The following KCNIP4 variants were observed in gnomAD, a reference collection of about 807,000 sequenced individuals.
KCNIP4 encodes Kv channel-interacting protein 4.
Under a neutral mutation model 34.0 loss-of-function variants are expected in KCNIP4, and 12 were observed. That is an observed-to-expected ratio of 0.35 (90% confidence interval 0.23 to 0.57). The LOEUF (loss-of-function observed/expected upper bound fraction) is 0.57. KCNIP4 is among the 20% of genes least tolerant of loss of function. The pLI is 0.83. For synonymous variants in KCNIP4, 124 were observed against 102.2 expected (o/e 1.21, Z -1.29); for missense variants, 238 against 311.7 (o/e 0.76, Z 1.78).
At chr4:21,501,377 C>T (rs753886074) in intron 1 of KCNIP4, among the ~76,000 whole-genome samples, 21 of 151,692 alleles carry the variant, frequency 1.4e-4, no homozygotes, top group Non-Finnish European at 2.5e-4. Context: ...ACATTTGGAA[C>T]GGGACACAGT....
chr4:21,338,616 A>T (rs1244222976), intron 1 of KCNIP4, among the ~76,000 whole-genome samples: 2 of 151,652 alleles, frequency 1.3e-5, no homozygotes, highest in Non-Finnish European at 2.9e-5. Flanking sequence ...CAAAAAAAAA[A>T]CAAAAAACAA....
At chr4:21,708,350 G>A (rs1191614737) in intron 1 of KCNIP4, among the ~76,000 whole-genome samples, 1 of 152,024 alleles carries the variant, frequency 6.6e-6, no homozygotes, top group Non-Finnish European at 1.5e-5. Flanking sequence ...CACCTGGAAT[G>A]CCTGTTTAAA....
rs111665171 is a variant in KCNIP4 at position 21,909,379 on chromosome 4, G to T, written c.61+39192C>A. On this transcript the variant is annotated intron_variant, in intron 1 of 8. Transcript: ENST00000382152. ...TCTTCTCCCACATCTTTACTTAAGG[G>T]TCTCCTCATCTTTCTCACCTTGTCT... Among the ~76,000 whole-genome samples the T allele has an allele frequency of 2.2e-4, 34 of 152,032 alleles. 1 individual carries two copies. Among genetic ancestry groups the T allele is most frequent in the African/African-American group, 6.5e-4 (27 of 41,474 alleles).
intron 3 of KCNIP4, among the ~76,000 whole-genome samples, chr4:20,826,062 A>G (rs1717719640): frequency 6.6e-6 from 1 of 151,960 alleles, no homozygotes; most frequent in Admixed American, 6.6e-5. Flanking sequence ...GGTAGAAGCC[A>G]TATTGAAGAC....
intron 4 of KCNIP4, among the ~76,000 whole-genome samples, chr4:20,757,496 C>G (rs1259972618): frequency 3.3e-5 from 5 of 152,140 alleles, no homozygotes; most frequent in Non-Finnish European, 5.9e-5. Context: ...GCATCCTTGA[C>G]TCTCTAGGAC....
intron 1 of KCNIP4, among the ~76,000 whole-genome samples, chr4:21,136,557 C>T (rs960378939): frequency 3.3e-5 from 5 of 152,212 alleles, no homozygotes; most frequent in Admixed American, 2.0e-4. Context: ...CAAGAATGTT[C>T]CAGATGTTTC....
In KCNIP4 at chr4:21,108,804, T is replaced by G. The variant is rs564285592; in HGVS notation, c.62-226095A>C. ...GTGGATGTCCTTTCTGTTTGTTGGT[T>G]TTCCTTCTGACAGACAGGACCCTCA... On this transcript the variant is annotated intron_variant, in intron 1 of 8. Coordinates refer to ENST00000382152, the MANE Select transcript of KCNIP4 (RefSeq NM_025221.6). 6.6e-5 allele frequency among the ~76,000 whole-genome samples: 10 copies of G among 152,166 alleles called. No homozygotes were observed. The South Asian group carries it at 2.1e-3, about 32-fold the overall frequency.
intron 2 of KCNIP4, among the ~76,000 whole-genome samples, chr4:20,876,904 T>A (rs183300444): frequency 6.6e-6 from 1 of 152,308 alleles, no homozygotes; most frequent in Admixed American, 6.5e-5. Flanking sequence ...AGTGTGACTC[T>A]AAGTCTGACT....
At chr4:21,468,915 TTAAC>T (rs1235964490) in intron 1 of KCNIP4, among the ~76,000 whole-genome samples, 1 of 152,178 alleles carries the variant, frequency 6.6e-6, no homozygotes, top group Non-Finnish European at 1.5e-5. Context: ...ACATCATCTA[TTAAC>T]TGTTTACACA....
intron 1 of KCNIP4, among the ~76,000 whole-genome samples, chr4:21,511,801 A>T (rs1403908033): frequency 6.6e-6 from 1 of 152,164 alleles, no homozygotes; most frequent in Non-Finnish European, 1.5e-5. Flanking sequence ...TAAGTCTCTC[A>T]AGCCTGCTTT....
In KCNIP4 at chr4:21,159,427, C is replaced by T. The variant is rs1293232485; in HGVS notation, c.62-276718G>A. On this transcript the variant is annotated intron_variant, in intron 1 of 8. Coordinates refer to ENST00000382152, the MANE Select transcript of KCNIP4 (RefSeq NM_025221.6). ...CAAGATGGCCGAATAGGAACAGCTC[C>T]GGTCTACAGCTCCCAGCGTGAGCGA... 2.1e-4 allele frequency among the ~76,000 whole-genome samples: 4 copies of T among 19,154 alleles called. 2 individuals are homozygous for T. Among genetic ancestry groups the T allele is most frequent in the Non-Finnish European group, 4.3e-4 (4 of 9,252 alleles). 12.6% of individuals were successfully genotyped at this position (19,154 alleles called of 152,430 possible). A position where few individuals can be genotyped will look rare whatever the true frequency, so the allele number is the denominator to read the frequency against.
intron 1 of KCNIP4, among the ~76,000 whole-genome samples, chr4:21,714,849 AT>A (rs1163561342): frequency 6.8e-3 from 2 of 294 alleles, no homozygotes; most frequent in South Asian, 0.1. Context: ...ATTTTATTTT[AT>A]TTTATTTTAT....
rs75047056 is a variant in KCNIP4, at chr4:20,942,402, T to C, written c.62-59693A>G. ...AATGCAGTTTCTCTGACCCAAAGTC[T>C]GTGCAAATAGAACATCTCCAAGGAT... is the stretch of plus-strand genomic sequence containing the variant. On this transcript the variant is annotated intron_variant, in intron 1 of 8. Transcript: ENST00000382152. Among the ~76,000 whole-genome samples, 206 of 152,340 alleles carry C rather than the reference T, an allele frequency of 1.4e-3. 1 individual carries two copies. The highest frequency in any genetic ancestry group is 4.7e-3 in the African/African-American group (194 of 41,580).
chr4:21,811,696 C>T (rs765507697), intron 1 of KCNIP4, among the ~76,000 whole-genome samples: 5 of 152,178 alleles, frequency 3.3e-5, no homozygotes, highest in African/African-American at 1.2e-4. Context: ...TCCTGTAAGA[C>T]TAAATGAATG....
Position 21,371,339 on chromosome 4 carries a change from C to G in KCNIP4, c.62-488630G>C, listed in dbSNP as rs144168432. 4.1e-5 allele frequency among the ~76,000 whole-genome samples: 6 copies of G among 146,246 alleles called. 2 individuals carry two copies. Among genetic ancestry groups the G allele is most frequent in the African/African-American group, 1.7e-4 (6 of 36,116 alleles). On this transcript the variant is annotated intron_variant, in intron 1 of 8. Transcript: ENST00000382152. ...GCAAGAAGGTCAACAGTAATAATGA[C>G]CCAGAATTGGAATAGTTTTGGCAGA... is the stretch of plus-strand genomic sequence containing the variant.
At chr4:21,669,513 C>G (rs1184687864) in intron 1 of KCNIP4, among the ~76,000 whole-genome samples, 1 of 152,112 alleles carries the variant, frequency 6.6e-6, no homozygotes, top group East Asian at 1.9e-4. Context: ...TATCAGTAAG[C>G]CTTTTGGTCA....
chr4:20,818,827 T>G (rs1716747263), intron 3 of KCNIP4, among the ~76,000 whole-genome samples: 1 of 151,930 alleles, frequency 6.6e-6, no homozygotes, highest in Non-Finnish European at 1.5e-5. Context: ...TGTATAATAT[T>G]AAGTATTCCA....
At chr4:20,827,322 T>A in intron 3 of KCNIP4, among the ~76,000 whole-genome samples, 1 of 152,138 alleles carries the variant, frequency 6.6e-6, no homozygotes, top group Non-Finnish European at 1.5e-5. Context: ...ATGGACGGGA[T>A]TGCTTTTCAC....
At chr4:21,637,199 C>T (rs965944586) in intron 1 of KCNIP4, among the ~76,000 whole-genome samples, 1 of 152,058 alleles carries the variant, frequency 6.6e-6, no homozygotes, top group Non-Finnish European at 1.5e-5. Context: ...ACTTTATATC[C>T]GTTTTAATTC....
Sources: gnomAD v4.1 joint callset for allele counts (sites outside exome capture counted in the v4.1 genomes callset) on GRCh38, gnomAD v4.1.1 for gene constraint, MANE v1.5 for transcripts, NCBI Gene and HGNC (gene_info 2026-07-23, HGNC 2026-07-21) for gene names.